Variants in MPRIP observed in about 807,000 individuals in gnomAD.
MPRIP encodes the protein myosin phosphatase Rho interacting protein.
Under a neutral mutation model 234.9 loss-of-function variants are expected in MPRIP, and 59 were observed. That is an observed-to-expected ratio of 0.25 (90% confidence interval 0.20 to 0.31). MPRIP has a LOEUF of 0.31. MPRIP is among the 10% of genes least tolerant of loss of function. The pLI is 1.00. For synonymous variants in MPRIP, 1,144 were observed against 1,263.9 expected (o/e 0.91, Z 2.01); for missense variants, 2,436 against 3,071.0 (o/e 0.79, Z 4.89).
At chr17:17,050,631 C>G (rs2088509769) in intron 1 of MPRIP, among the ~76,000 whole-genome samples, 1 of 152,206 alleles carries the variant, frequency 6.6e-6, no homozygotes, top group Non-Finnish European at 1.5e-5. Context: ...TTTGTGTCCC[C>G]ACTCCTCCTT....
intron 22 of MPRIP, among the ~76,000 whole-genome samples, chr17:17,178,150 TG>T (rs745332966): frequency 6.6e-6 from 1 of 152,080 alleles, no homozygotes; most frequent in Non-Finnish European, 1.5e-5. Context: ...CTCAAACTCC[TG>T]GGCTCAAGCG....
intron 16 of MPRIP, chr17:17,168,935 C>T (rs2046069071): frequency 2.2e-6 from 1 of 456,804 alleles, no homozygotes; most frequent in Non-Finnish European, 4.4e-6. Flanking sequence ...TCTAGCAGGA[C>T]ACCTGTTTTT....
intron 3 of MPRIP, among the ~76,000 whole-genome samples, chr17:17,112,000 C>T (rs1036846304): frequency 6.6e-6 from 1 of 152,100 alleles, no homozygotes; most frequent in African/African-American, 2.4e-5. Context: ...GCATGACAGT[C>T]GTCGGCACCC....
chr17:17,096,283 T>TGC (rs975920199), intron 3 of MPRIP, among the ~76,000 whole-genome samples: 1 of 120,722 alleles, frequency 8.3e-6, no homozygotes, highest in African/African-American at 3.4e-5. Context: ...TGTGTGTGTG[T>TGC]GCAGGGTGTG....
chr17:17,047,662 A>T (rs905293884), intron 1 of MPRIP, among the ~76,000 whole-genome samples: 21 of 152,202 alleles, frequency 1.4e-4, no homozygotes, highest in African/African-American at 4.8e-4. Flanking sequence ...TTGGTTGATC[A>T]GAGGTGGGTG....
chr17:17,075,286 C>G lies in MPRIP; in HGVS notation c.124-424C>G, dbSNP rs574943485. Among the ~76,000 whole-genome samples the G allele has an allele frequency of 2.6e-5, 4 of 152,302 alleles. No homozygotes were observed. The South Asian group carries it at 8.3e-4, about 32-fold the overall frequency. On this transcript the variant is annotated intron_variant, in intron 1 of 23. Transcript: ENST00000651222. ...AGCTGGCTTTGATCACGAAAGCAGTCTCTTCTCCAGGCCCTGTTTTGTATC... is the reference window on the plus strand; with the variant it reads ...AGCTGGCTTTGATCACGAAAGCAGTGTCTTCTCCAGGCCCTGTTTTGTATC...
At position 17,067,450 on chromosome 17, in the gene MPRIP, C is replaced by G. The variant is rs28823028; in HGVS notation, c.124-8260C>G. On this transcript the variant is annotated intron_variant, in intron 1 of 23. Transcript: ENST00000651222. The stretch of plus-strand genomic sequence containing the variant: ...GAGTATACAGCGTGGATGCGCTGGA[C>G]AAAGGGGAGGCTCCACATCCTGGGA... Among the ~76,000 whole-genome samples, 1,361 of 152,294 alleles carry G rather than the reference C, an allele frequency of 8.9e-3. 24 individuals are homozygous for G. The highest frequency in any genetic ancestry group is 0.03 in the African/African-American group (1,230 of 41,536).
chr17:17,123,490 C>T (rs374621763), intron 3 of MPRIP, among the ~76,000 whole-genome samples: 115 of 152,050 alleles, frequency 7.6e-4, no homozygotes, highest in African/African-American at 2.7e-3. Flanking sequence ...TGGTGAAACC[C>T]CGTCTCTACT....
chr17:17,173,857 G>C, intron 18 of MPRIP, 59 bp from the exon 19 acceptor site: 1 of 1,601,774 alleles, frequency 6.2e-7, no homozygotes, highest in Non-Finnish European at 8.5e-7. Flanking sequence ...GAGGGACACC[G>C]GCCTCTGAGA....
intron 3 of MPRIP, among the ~76,000 whole-genome samples, chr17:17,090,271 C>T (rs150207836): frequency 3.9e-5 from 6 of 152,284 alleles, no homozygotes; most frequent in East Asian, 1.9e-4. Flanking sequence ...TCCAACCAGC[C>T]GCACTAAGGC....
chr17:17,085,975 G>A (rs941509372), intron 3 of MPRIP, among the ~76,000 whole-genome samples: 1 of 152,218 alleles, frequency 6.6e-6, no homozygotes, highest in Non-Finnish European at 1.5e-5. Flanking sequence ...GAATTATCCA[G>A]GTGCCCAGAG....
Position 17,164,304 on chromosome 17 carries a change from C to T in MPRIP, c.2713C>T (p.Arg905Trp), listed in dbSNP as rs964778554. The T allele has an allele frequency of 3.3e-5, 43 of 1,303,928 alleles. No individual in the cohort carries two copies. The highest frequency in any genetic ancestry group is 3.7e-5 in the Non-Finnish European group (37 of 988,976). 80.8% of individuals were successfully genotyped at this position (1,303,928 alleles called of 1,614,324 possible). ...GGCTGAGATCCGGAGCCTTCAGGCA[C>T]GGCTCAGCAATGCGGCCGCTGAGCT... ...HEAEIRSLQA[R>W]LSNAAAELAI... Residue 905 changes from arginine (R) to tryptophan (W), a missense_variant, in exon 16 of 24, where the codon CGG becomes TGG. By Grantham distance (101) the Arg-to-Trp change is moderately radical. Around this residue, in one of 4 missense-constraint regions of MPRIP, gnomAD observed 1,998 missense variants for 2,520.3 expected, o/e 0.79. Coordinates refer to ENST00000651222, the MANE Select transcript of MPRIP (RefSeq NM_001364716.4).
Position 17,089,724 on chromosome 17 carries a change from GA to G in MPRIP, c.267+11649del, listed in dbSNP as rs1206147561. ...CGGGGAAAGGAAGATGGGGCCACCAGAGACTGCCCTGATGGATGACATAGTC... is the reference window on the plus strand; with the variant it reads ...CGGGGAAAGGAAGATGGGGCCACCAGGACTGCCCTGATGGATGACATAGTC... On this transcript the variant is annotated intron_variant, in intron 3 of 23. Transcript: ENST00000651222. Among the ~76,000 whole-genome samples, 3 of 152,166 alleles carry G rather than the reference GA, an allele frequency of 2.0e-5. No individual in the cohort carries two copies. In the East Asian group the frequency reaches 5.8e-4, roughly 29 times the overall value.
At chr17:17,172,928 G>A in intron 18 of MPRIP, 113 bp downstream of exon 18, 5 of 927,226 alleles carry the variant, frequency 5.4e-6, no homozygotes, top group Non-Finnish European at 8.2e-6. Context: ...GTGGGGCCTG[G>A]GGCCCCTGGG....
chr17:17,175,149 A>G, intron 19 of MPRIP, 144 bp from the exon 20 acceptor site: 1 of 1,193,642 alleles, frequency 8.4e-7, no homozygotes, highest in Non-Finnish European at 1.2e-6. Context: ...TGTGACAGAA[A>G]GGAATTAAGG....
intron 3 of MPRIP, among the ~76,000 whole-genome samples, chr17:17,097,642 T>C (rs1039431079): frequency 6.6e-6 from 1 of 152,248 alleles, no homozygotes; most frequent in Admixed American, 6.5e-5. Flanking sequence ...AGATTTTTAC[T>C]TTTTTAATAT....
chr17:17,079,107 C>G (rs918761139), intron 3 of MPRIP, among the ~76,000 whole-genome samples: 2 of 152,134 alleles, frequency 1.3e-5, no homozygotes, highest in Non-Finnish European at 2.9e-5. Flanking sequence ...GTGGTCATTA[C>G]AGCTCACATG....
intron 3 of MPRIP, among the ~76,000 whole-genome samples, chr17:17,085,431 T>G (rs1379181015): frequency 6.6e-6 from 1 of 152,228 alleles, no homozygotes; most frequent in Non-Finnish European, 1.5e-5. Flanking sequence ...ATGCATCGCA[T>G]TCCCGCGGGG....
chr17:17,105,162 A>T (rs1186287972), intron 3 of MPRIP, among the ~76,000 whole-genome samples: 1 of 152,178 alleles, frequency 6.6e-6, no homozygotes. Flanking sequence ...TGGGATGGGC[A>T]TCGCTTTCTC....
Sources: allele counts gnomAD v4.1 joint callset (sites outside exome capture counted in the v4.1 genomes callset), GRCh38; gene constraint gnomAD v4.1.1; regional missense constraint gnomAD v4.1.1; transcripts MANE v1.5; gene names NCBI Gene and HGNC (gene_info 2026-07-23, HGNC 2026-07-21).